Variants in PCDHA12 observed in about 807,000 individuals in gnomAD.
PCDHA12 encodes the protein protocadherin alpha 12.
PCDHA12 carries 44 observed loss-of-function variants against 60.0 expected under a neutral mutation model. That is an observed-to-expected ratio of 0.73 (90% CI 0.58 to 0.94). The LOEUF (loss-of-function observed/expected upper bound fraction) is 0.94, where lower values mean the gene tolerates loss of function less well. PCDHA12 is among the 40% of genes least tolerant of loss of function. PCDHA12 has a pLI of 0.00. For missense variants in PCDHA12, 1,276 were observed against 1,239.7 expected (o/e 1.03, Z -0.44); for synonymous variants, 569 against 553.0 (o/e 1.03, Z -0.40).
At chr5:140,982,318 G>A (rs2096977750) in intron 2 of PCDHA12, 157 bp from the exon 3 acceptor site, 3 of 1,356,910 alleles carry the variant, frequency 2.2e-6, no homozygotes, top group Non-Finnish European at 2.9e-6. Context: ...AGTTTATGCA[G>A]GGTGACTGCT....
At chr5:140,994,998 G>A (rs2097659261) in intron 3 of PCDHA12, among the ~76,000 whole-genome samples, 1 of 152,150 alleles carries the variant, frequency 6.6e-6, no homozygotes, top group African/African-American at 2.4e-5. Context: ...AGGTTAGTTG[G>A]TTTGTTTATA....
Position 140,991,900 on chromosome 5 carries a change from ATCCC to A in PCDHA12, c.2515+9339_2515+9342del, listed in dbSNP as rs576684602. Reference sequence around the variant, plus strand: ...GGCTGCCATAACAAATTAACACAAAATCCCTTTTGCCATGTAACATAACATATTC... The same window carrying A: ...GGCTGCCATAACAAATTAACACAAAATTTTGCCATGTAACATAACATATTC... On this transcript the variant is annotated intron_variant, in intron 3 of 3. Coordinates refer to ENST00000398631, the MANE Select transcript of PCDHA12 (RefSeq NM_018903.4). Among the ~76,000 whole-genome samples, 390 of 152,250 alleles carry A rather than the reference ATCCC, an allele frequency of 2.6e-3. 2 individuals carry two copies. The highest frequency in any genetic ancestry group is 4.8e-3 in the South Asian group (23 of 4,818).
At chr5:140,882,175 G>A in intron 1 of PCDHA12, 1 of 1,515,150 alleles carries the variant, frequency 6.6e-7, no homozygotes. Flanking sequence ...GAATCCTTCC[G>A]CACTAGGAAG....
intron 1 of PCDHA12, among the ~76,000 whole-genome samples, chr5:140,922,237 G>A (rs2080732766): frequency 6.6e-6 from 1 of 152,156 alleles, no homozygotes; most frequent in Non-Finnish European, 1.5e-5. Flanking sequence ...ACCATGATGT[G>A]TATGAAGATA....
chr5:140,925,402 T>C (rs1379767028), intron 1 of PCDHA12, among the ~76,000 whole-genome samples: 1 of 152,110 alleles, frequency 6.6e-6, no homozygotes, highest in Non-Finnish European at 1.5e-5. Context: ...CTCGCCTCCT[T>C]CTTAGGGAAA....
intron 1 of PCDHA12, among the ~76,000 whole-genome samples, chr5:140,904,941 G>A (rs782716792): frequency 7.2e-5 from 11 of 152,102 alleles, no homozygotes; most frequent in Admixed American, 3.9e-4. Context: ...CTGGATATTA[G>A]TCCTTTGTCT....
intron 1 of PCDHA12, among the ~76,000 whole-genome samples, chr5:140,891,954 G>C (rs782159289): frequency 4.6e-5 from 7 of 152,318 alleles, no homozygotes; most frequent in Admixed American, 6.5e-5. Flanking sequence ...CTCCAGAATT[G>C]TGAGAAGTAA....
At chr5:140,922,002 A>G (rs138196210) in intron 1 of PCDHA12, among the ~76,000 whole-genome samples, 100 of 152,130 alleles carry the variant, frequency 6.6e-4, no homozygotes, top group Admixed American at 1.6e-3. Flanking sequence ...CAATGAAATG[A>G]TTAGTTTAAA....
chr5:140,970,222 C>T (rs1270140969), intron 1 of PCDHA12, among the ~76,000 whole-genome samples: 2 of 152,134 alleles, frequency 1.3e-5, no homozygotes, highest in Non-Finnish European at 2.9e-5. Context: ...TAAATGCAGC[C>T]TGTAATCTTC....
At chr5:140,882,282 G>A in intron 1 of PCDHA12, 3 of 1,612,830 alleles carry the variant, frequency 1.9e-6, no homozygotes, top group Non-Finnish European at 2.5e-6. Context: ...CTGTCTTCCT[G>A]GCAAGGAGGC....
chr5:140,926,914 G>A (rs1563085125), intron 1 of PCDHA12: 7 of 1,565,570 alleles, frequency 4.5e-6, no homozygotes, highest in African/African-American at 1.4e-5. Context: ...TGGGGTGGCA[G>A]TTTTATGTTT....
intron 1 of PCDHA12, among the ~76,000 whole-genome samples, chr5:140,894,543 T>C (rs782418710): frequency 2.6e-5 from 4 of 152,088 alleles, no homozygotes; most frequent in Non-Finnish European, 4.4e-5. Flanking sequence ...TCTGGTTTAG[T>C]GTTTACTTCT....
chr5:140,896,959 T>C (rs1486927062), intron 1 of PCDHA12, among the ~76,000 whole-genome samples: 1 of 152,204 alleles, frequency 6.6e-6, no homozygotes, highest in Non-Finnish European at 1.5e-5. Context: ...CCTTAAACAT[T>C]TATTCTTTGC....
At position 140,875,963 on chromosome 5, in the gene PCDHA12, T is replaced by C; in HGVS notation, c.491T>C (p.Val164Ala). Residue 164 changes from valine to alanine, a missense_variant, in exon 1 of 4, where the codon GTA (valine) becomes GCA (alanine). Physicochemically the swap from Val to Ala is moderately conservative, Grantham distance 64 (BLOSUM62 0). Coordinates refer to ENST00000398631, the MANE Select transcript of PCDHA12 (RefSeq NM_018903.4). Reference sequence around the variant, plus strand: ...GGCGCTTCTGATGCGGATATCGGCGTAAACTCTCTTTTGACCTATGCGTTA... The same window carrying C: ...GGCGCTTCTGATGCGGATATCGGCGCAAACTCTCTTTTGACCTATGCGTTA... ...LEGASDADIG[V>A]NSLLTYALSL... 4.3e-6 allele frequency: 7 copies of C among 1,614,122 alleles called. No homozygotes were observed. The highest frequency in any genetic ancestry group is 5.9e-6 in the Non-Finnish European group (7 of 1,179,954).
chr5:140,974,221 T>A (rs75147433), intron 1 of PCDHA12, among the ~76,000 whole-genome samples: 1,739 of 152,246 alleles, frequency 0.011, 25 homozygotes, highest in Non-Finnish European at 0.017. Context: ...TAAAGAGAAA[T>A]CTTAGTTCCT....
chr5:140,884,396 C>CT, intron 1 of PCDHA12: 1 of 1,614,012 alleles, frequency 6.2e-7, no homozygotes, highest in South Asian at 1.1e-5. Flanking sequence ...GGTGTCCAGC[C>CT]TGTTGGTGCT....
chr5:141,006,351 A>G (rs537027677), intron 3 of PCDHA12, among the ~76,000 whole-genome samples: 1 of 151,966 alleles, frequency 6.6e-6, no homozygotes, highest in Non-Finnish European at 1.5e-5. Flanking sequence ...AGCTGGGACT[A>G]TAGGCGCCCA....
At chr5:140,934,574 A>G in intron 1 of PCDHA12, among the ~76,000 whole-genome samples, 1 of 152,124 alleles carries the variant, frequency 6.6e-6, no homozygotes, top group Non-Finnish European at 1.5e-5. Flanking sequence ...AATTAATTGT[A>G]ACATTTCTGT....
intron 1 of PCDHA12, chr5:140,969,506 G>A (rs1262259666): frequency 2.9e-5 from 41 of 1,426,940 alleles, no homozygotes; most frequent in Non-Finnish European, 3.6e-5. Context: ...TAGAAAAATA[G>A]CACTAAAGAA....
Sources: gnomAD v4.1 joint callset for allele counts (sites outside exome capture counted in the v4.1 genomes callset) on GRCh38, gnomAD v4.1.1 for gene constraint, MANE v1.5 for transcripts, NCBI Gene and HGNC (gene_info 2026-07-23, HGNC 2026-07-21) for gene names.